Variants in USB1 observed in about 807,000 individuals in gnomAD.
The protein encoded by USB1 is U6 snRNA phosphodiesterase 1.
USB1 carries 21 observed loss-of-function variants against 29.9 expected under a neutral mutation model. The observed-to-expected ratio is 0.70, with a 90% CI of 0.50 to 1.01. The LOEUF (loss-of-function observed/expected upper bound fraction) is 1.01. Ranked by LOEUF, USB1 falls within the 50% of genes least tolerant of loss-of-function variation. The probability of loss-of-function intolerance (pLI) is 0.00; values close to 1 mark genes in which losing one functional copy is unlikely to be tolerated. For synonymous variants in USB1, 143 were observed against 134.9 expected (o/e 1.06, Z -0.42); for missense variants, 330 against 347.1 (o/e 0.95, Z 0.39).
intron 4 of USB1, chr16:58,016,999 G>C: frequency 2.7e-6 from 1 of 368,128 alleles, no homozygotes; most frequent in East Asian, 6.5e-5. Flanking sequence ...GAGGACAGGA[G>C]TCATTTGCGA....
At chr16:58,011,857 A>G in intron 3 of USB1, 9 of 992,796 alleles carry the variant, frequency 9.1e-6, no homozygotes, top group Non-Finnish European at 1.1e-5. Flanking sequence ...GACATCAAAT[A>G]GATGCTTGTT....
At chr16:58,010,231 C>CAGGAGAGGGGCCGTG in intron 3 of USB1, 119 bp downstream of exon 3, 1 of 1,260,988 alleles carries the variant, frequency 7.9e-7, no homozygotes, top group Non-Finnish European at 1.1e-6. Flanking sequence ...AACACGGCCC[C>CAGGAGAGGGGCCGTG]TCTCCTGGGG....
chr16:58,017,230 A>T, intron 4 of USB1, 104 bp from the exon 5 acceptor site: 1 of 1,012,186 alleles, frequency 9.9e-7, no homozygotes, highest in Non-Finnish European at 1.6e-6. Context: ...GGTGAGACCC[A>T]CGGCCCAGGC....
At chr16:58,014,217 T>C in intron 3 of USB1, 56 bp from the exon 4 acceptor site, 1 of 1,442,806 alleles carries the variant, frequency 6.9e-7, no homozygotes, top group Non-Finnish European at 9.7e-7. Flanking sequence ...ACATAAGCTA[T>C]TTTTTCTGCT....
Position 58,020,354 on chromosome 16 carries a change from A to G in USB1, c.*109A>G, listed in dbSNP as rs1963708117. On this transcript the variant is annotated 3_prime_UTR_variant, in exon 7 of 7. Transcript: ENST00000219281. ...AGCCTCCCAGTAGGAGGCCCCAGCC[A>G]TGCCTTCAACCTGGCAGGAGGTGTA... 2 of 1,045,020 alleles carry G rather than the reference A, an allele frequency of 1.9e-6. No individual in the cohort carries two copies. Among genetic ancestry groups the G allele is most frequent in the Non-Finnish European group, 2.9e-6 (2 of 684,208 alleles). 64.7% of individuals were successfully genotyped at this position (1,045,020 alleles called of 1,614,324 possible).
intron 1 of USB1, among the ~76,000 whole-genome samples, chr16:58,001,816 G>T (rs1432168964): frequency 1.3e-5 from 2 of 151,928 alleles, no homozygotes; most frequent in Non-Finnish European, 1.5e-5. Flanking sequence ...CCTGGGTTCG[G>T]GTCCAGCCTC....
chr16:58,010,078 C>T lies in USB1; in HGVS notation c.415C>T (p.Gln139Ter), dbSNP rs1555498129. The T allele has an allele frequency of 1.2e-6, 2 of 1,614,144 alleles. No homozygotes were observed. Among genetic ancestry groups the T allele is most frequent in the Non-Finnish European group, 1.7e-6 (2 of 1,180,028 alleles). The part of the protein sequence containing the change: ...LRHHWILPFV[Q>*]ALKARMTSFH... ...CCACCACTGGATCCTCCCCTTCGTG[C>T]AGGCTCTGAAAGCCCGTATGACCTC... Residue 139 changes from glutamine (Q) to a stop codon, truncating the protein, a stop_gained, in exon 3 of 7, where the codon CAG becomes TAG. Transcript: ENST00000219281. LOFTEE classifies it high-confidence loss of function.
At chr16:58,019,133 AG>A in intron 6 of USB1, 78 bp downstream of exon 6, 1 of 1,444,746 alleles carries the variant, frequency 6.9e-7, no homozygotes, top group Non-Finnish European at 9.6e-7. Flanking sequence ...GGGGAGGATG[AG>A]GCACCCAAAC....
intron 3 of USB1, chr16:58,011,631 G>A (rs1963499353): frequency 3.0e-6 from 3 of 988,608 alleles, no homozygotes; most frequent in Non-Finnish European, 2.4e-6. Flanking sequence ...TCCGTCCAGA[G>A]ATCAGTTGGC....
chr16:58,001,785 G>C lies in USB1; in HGVS notation c.98+204G>C, dbSNP rs374977543. Among the ~76,000 whole-genome samples the C allele has an allele frequency of 0.012, 1,791 of 146,526 alleles. 16 individuals carry two copies. Among genetic ancestry groups the C allele is most frequent in the Admixed American group, 0.02 (277 of 13,778 alleles). On this transcript the variant is annotated intron_variant, in intron 1 of 6. Coordinates refer to ENST00000219281, the MANE Select transcript of USB1 (RefSeq NM_024598.4). Reference sequence around the variant, plus strand: ...GCTCCAGAGTGGCCCCACCTGGCTAGGGCCAAGTTGGGAGGCCAGACCTGG... The same window carrying C: ...GCTCCAGAGTGGCCCCACCTGGCTACGGCCAAGTTGGGAGGCCAGACCTGG...
chr16:58,008,502 G>A (rs377388540), intron 2 of USB1, among the ~76,000 whole-genome samples: 29 of 145,462 alleles, frequency 2.0e-4, no homozygotes, highest in African/African-American at 7.4e-4. Context: ...CACCCAGGCT[G>A]GAGTACAGTG....
At chr16:58,009,462 G>A (rs367884118) in intron 2 of USB1, among the ~76,000 whole-genome samples, 6 of 152,308 alleles carry the variant, frequency 3.9e-5, no homozygotes, top group Admixed American at 1.3e-4. Flanking sequence ...GCTCACGCCT[G>A]TAATCCCAGC....
At chr16:58,005,593 T>G (rs1963332033) in intron 2 of USB1, among the ~76,000 whole-genome samples, 1 of 152,224 alleles carries the variant, frequency 6.6e-6, no homozygotes, top group Admixed American at 6.5e-5. Flanking sequence ...AAAGAGTAAT[T>G]GCTACAAACT....
At chr16:58,006,366 AAC>A (rs1280724331) in intron 2 of USB1, among the ~76,000 whole-genome samples, 8 of 141,838 alleles carry the variant, frequency 5.6e-5, no homozygotes, top group South Asian at 2.2e-4. Context: ...AAAAAAAAAA[AAC>A]AAAAAAAAAA....
In USB1 at chr16:58,001,435, C is replaced by T. The variant is rs755207534; in HGVS notation, c.-49C>T. 1.9e-5 allele frequency: 30 copies of T among 1,557,892 alleles called. No individual in the cohort carries two copies. In the South Asian group the frequency reaches 3.1e-4, roughly 16 times the overall value. On this transcript the variant is annotated 5_prime_UTR_variant, in exon 1 of 7. Coordinates refer to ENST00000219281, the MANE Select transcript of USB1 (RefSeq NM_024598.4). ...TCCGGCACAGCGGAACTCCGGGTGC[C>T]GGTTGAGGTTGCTGGTGGACCTGCT...
At chr16:58,010,977 G>T in intron 3 of USB1, 1 of 701,672 alleles carries the variant, frequency 1.4e-6, no homozygotes, top group Admixed American at 2.0e-5. Context: ...GGGGCTGAAA[G>T]TTCCCAGCTT....
chr16:58,014,697 C>T (rs1229590897), intron 4 of USB1, among the ~76,000 whole-genome samples: 3 of 152,136 alleles, frequency 2.0e-5, no homozygotes, highest in Admixed American at 6.5e-5. Context: ...ATGGGAGGAT[C>T]GCTTGAGCCC....
intron 4 of USB1, chr16:58,016,726 T>C (rs1963624838): frequency 5.8e-6 from 1 of 173,900 alleles, no homozygotes; most frequent in Non-Finnish European, 1.3e-5. Context: ...GACAGCGAAG[T>C]GTCCCTTGGA....
At chr16:58,005,648 C>G (rs1253757778) in intron 2 of USB1, among the ~76,000 whole-genome samples, 1 of 152,116 alleles carries the variant, frequency 6.6e-6, no homozygotes, top group African/African-American at 2.4e-5. Flanking sequence ...TGATCTAGAT[C>G]TAGTATAACT....
Sources: gnomAD v4.1 joint callset for allele counts (sites outside exome capture counted in the v4.1 genomes callset) on GRCh38, gnomAD v4.1.1 for gene constraint, MANE v1.5 for transcripts, NCBI Gene and HGNC (gene_info 2026-07-23, HGNC 2026-07-21) for gene names.